Variants in GABRB1 observed in about 807,000 individuals in gnomAD.
The protein encoded by GABRB1 is gamma-aminobutyric acid type A receptor subunit beta1.
Under a neutral mutation model 51.6 loss-of-function variants are expected in GABRB1, and 17 were observed. That is an observed-to-expected ratio of 0.33 (90% CI 0.23 to 0.49). The LOEUF (loss-of-function observed/expected upper bound fraction) is 0.49. Ranked by LOEUF, GABRB1 falls within the 20% of genes least tolerant of loss-of-function variation. The pLI, the probability that GABRB1 is intolerant of heterozygous loss-of-function variation, is 0.99. For synonymous variants in GABRB1, 247 were observed against 218.9 expected, an observed-to-expected ratio of 1.13 and a Z score of -1.14; for missense variants, 410 against 600.6, an observed-to-expected ratio of 0.68 and a Z score of 3.32.
intron 3 of GABRB1, among the ~76,000 whole-genome samples, chr4:47,142,651 G>GAGTA (rs898348849): frequency 2.0e-5 from 3 of 151,920 alleles, no homozygotes; most frequent in Admixed American, 2.0e-4. Flanking sequence ...ATTCAGAAGA[G>GAGTA]AGTACATCGT....
chr4:47,368,865 T>C (rs1424815749), intron 5 of GABRB1, among the ~76,000 whole-genome samples: 1 of 152,104 alleles, frequency 6.6e-6, no homozygotes, highest in Non-Finnish European at 1.5e-5. Flanking sequence ...CGCAACACTT[T>C]GGGAGACCAA....
At chr4:47,004,802 C>T (rs1724336835) in intron 1 of GABRB1, among the ~76,000 whole-genome samples, 2 of 152,160 alleles carry the variant, frequency 1.3e-5, no homozygotes, top group Non-Finnish European at 2.9e-5. Flanking sequence ...TATTTGATTT[C>T]GTATCATCTA....
At chr4:47,382,088 A>G (rs1261712692) in intron 5 of GABRB1, among the ~76,000 whole-genome samples, 6 of 152,214 alleles carry the variant, frequency 3.9e-5, no homozygotes, top group Admixed American at 2.0e-4. Context: ...TAAATCTTCT[A>G]TCCTAATAGA....
chr4:47,105,373 C>T (rs1210692611), intron 3 of GABRB1, among the ~76,000 whole-genome samples: 2 of 152,024 alleles, frequency 1.3e-5, no homozygotes, highest in Admixed American at 1.3e-4. Flanking sequence ...ATCACATGTC[C>T]CTCAAAGCTT....
intron 3 of GABRB1, among the ~76,000 whole-genome samples, chr4:47,133,658 C>A (rs1382553611): frequency 1.3e-5 from 2 of 152,176 alleles, no homozygotes. Context: ...ATCTTCCCAT[C>A]TGAGTTAGTT....
At chr4:47,010,322 C>T (rs1041981734) in intron 1 of GABRB1, among the ~76,000 whole-genome samples, 6 of 152,200 alleles carry the variant, frequency 3.9e-5, no homozygotes, top group African/African-American at 1.4e-4. Flanking sequence ...CATTTGCTGA[C>T]TATTAGAGCA....
chr4:47,203,533 G>A (rs1037684577), intron 4 of GABRB1, among the ~76,000 whole-genome samples: 2 of 152,006 alleles, frequency 1.3e-5, no homozygotes, highest in African/African-American at 2.4e-5. Context: ...AGGAATTTCC[G>A]AGGCAAGTGA....
At chr4:47,120,048 TG>T (rs1469948211) in intron 3 of GABRB1, among the ~76,000 whole-genome samples, 32 of 152,178 alleles carry the variant, frequency 2.1e-4, no homozygotes, top group Admixed American at 2.1e-3. Context: ...GCTGAAAAAC[TG>T]GATAAACAAA....
intron 5 of GABRB1, among the ~76,000 whole-genome samples, chr4:47,345,958 C>T (rs1726072606): frequency 6.6e-6 from 1 of 151,862 alleles, no homozygotes; most frequent in Admixed American, 6.6e-5. Flanking sequence ...CACAATGCCC[C>T]ACATGAGGCC....
chr4:47,033,044 T>G (rs1248102295), intron 3 of GABRB1: 5 of 272,312 alleles, frequency 1.8e-5, no homozygotes, highest in Admixed American at 4.5e-5. Flanking sequence ...TGTTTGCTAG[T>G]AGGAAAAGTG....
At chr4:47,126,296 A>G (rs1051943180) in intron 3 of GABRB1, among the ~76,000 whole-genome samples, 1 of 152,170 alleles carries the variant, frequency 6.6e-6, no homozygotes. Context: ...TGGTCAGGTT[A>G]TAAAGGCTCA....
At chr4:47,280,357 C>T (rs1017296237) in intron 4 of GABRB1, among the ~76,000 whole-genome samples, 1 of 151,686 alleles carries the variant, frequency 6.6e-6, no homozygotes, top group Non-Finnish European at 1.5e-5. Flanking sequence ...CACATTACTG[C>T]AGCTATAGTT....
intron 5 of GABRB1, among the ~76,000 whole-genome samples, chr4:47,385,148 ACATCCTAT>A (rs1014911051): frequency 6.6e-6 from 1 of 152,224 alleles, no homozygotes; most frequent in Non-Finnish European, 1.5e-5. Context: ...GGCAGAGGCA[ACATCCTAT>A]CATAATAATG....
At chr4:47,334,541 T>G (rs1403826811) in intron 5 of GABRB1, among the ~76,000 whole-genome samples, 1 of 152,210 alleles carries the variant, frequency 6.6e-6, no homozygotes, top group East Asian at 1.9e-4. Context: ...TTAATACTCC[T>G]AAACCCGCAT....
intron 5 of GABRB1, among the ~76,000 whole-genome samples, chr4:47,402,161 CT>C (rs1728418634): frequency 6.6e-6 from 1 of 152,154 alleles, no homozygotes; most frequent in African/African-American, 2.4e-5. Flanking sequence ...CTTAAAATTT[CT>C]TACATTCTGC....
chr4:47,238,259 A>G (rs1006843421), intron 4 of GABRB1, among the ~76,000 whole-genome samples: 2 of 152,102 alleles, frequency 1.3e-5, no homozygotes, highest in Admixed American at 6.5e-5. Context: ...TTCAAAATAC[A>G]GAGAAAACTG....
At chr4:47,187,949 T>G (rs1400289547) in intron 4 of GABRB1, among the ~76,000 whole-genome samples, 1 of 151,954 alleles carries the variant, frequency 6.6e-6, no homozygotes, top group African/African-American at 2.4e-5. Context: ...CACCATGCCA[T>G]CTAATCACAG....
In GABRB1 at chr4:47,320,881, T is replaced by C. The variant is rs1463458062; in HGVS notation, c.544+672T>C. 2.0e-5 allele frequency among the ~76,000 whole-genome samples: 3 copies of C among 151,572 alleles called. No individual in the cohort carries two copies. In the East Asian group the frequency reaches 5.9e-4, roughly 30 times the overall value. On this transcript the variant is annotated intron_variant, in intron 5 of 8. Coordinates refer to ENST00000295454, the MANE Select transcript of GABRB1 (RefSeq NM_000812.4). ...GCCTCCCGGGTTCACGCCATTCTCC[T>C]GCCTCAGCCTCCAGACTGGCTGGGA...
chr4:47,001,945 G>A (rs989787640), intron 1 of GABRB1, among the ~76,000 whole-genome samples: 4 of 152,166 alleles, frequency 2.6e-5, no homozygotes, highest in African/African-American at 9.7e-5. Context: ...ACAGAACTCT[G>A]AACTTTATCT....
Sources: allele counts gnomAD v4.1 joint callset (sites outside exome capture counted in the v4.1 genomes callset), GRCh38; gene constraint gnomAD v4.1.1; transcripts MANE v1.5; gene names NCBI Gene and HGNC (gene_info 2026-07-23, HGNC 2026-07-21).